Variants in ANKS1A observed in about 807,000 individuals in gnomAD.
ANKS1A encodes the protein ankyrin repeat and sterile alpha motif domain containing 1A.
In ANKS1A, 55 loss-of-function variants were observed where a neutral mutation model predicts 120.3. The observed-to-expected ratio is 0.46, with a 90% CI of 0.37 to 0.57. ANKS1A has a LOEUF of 0.57. Among genes scored for constraint, ANKS1A ranks in the 20% least tolerant of loss-of-function variants. ANKS1A has a pLI of 0.00. For missense variants in ANKS1A, 1,123 were observed against 1,480.3 expected (o/e 0.76, Z 3.96); for synonymous variants, 590 against 604.7 (o/e 0.98, Z 0.36).
rs771119138 is a variant in ANKS1A, at chr6:35,086,916, C to T, written c.3304-36C>T. The T allele has an allele frequency of 1.2e-6, 2 of 1,601,918 alleles. No homozygotes were observed. Among genetic ancestry groups the T allele is most frequent in the Admixed American group, 3.3e-5 (2 of 60,010 alleles). ...TGCTGCCTCCAGCCCTGGCACAGAG[C>T]TCCCTCTGACTCTTGACTGCTTCCT... On this transcript the variant is annotated intron_variant, in intron 22 of 23. Coordinates refer to ENST00000360359, the MANE Select transcript of ANKS1A (RefSeq NM_015245.3). This position sits in a 1 kb window ranked among gnomAD's most constrained non-coding sequence, Gnocchi z 5.1.
At chr6:35,001,654 G>T (rs1211648815) in intron 10 of ANKS1A, among the ~76,000 whole-genome samples, 2 of 152,250 alleles carry the variant, frequency 1.3e-5, no homozygotes, top group African/African-American at 4.8e-5. Flanking sequence ...AAAGGATGCA[G>T]TGAGCTTAAG....
downstream of ANKS1A, among the ~76,000 whole-genome samples, chr6:35,093,183 T>C (rs1032135597): frequency 2.0e-5 from 3 of 152,140 alleles, no homozygotes; most frequent in African/African-American, 7.2e-5. Context: ...TTTTCAGGAT[T>C]CGGCTGTTAG....
chr6:34,978,272 A>G (rs1561885939), intron 3 of ANKS1A, among the ~76,000 whole-genome samples: 1 of 152,140 alleles, frequency 6.6e-6, no homozygotes, highest in Non-Finnish European at 1.5e-5. Context: ...GGGTCTTAAG[A>G]TGAGTAGGAA....
intron 1 of ANKS1A, among the ~76,000 whole-genome samples, chr6:34,964,454 A>G (rs1770798181): frequency 6.6e-6 from 1 of 152,054 alleles, no homozygotes; most frequent in Non-Finnish European, 1.5e-5. Context: ...GTCACCATCC[A>G]TTTGCAGCGG....
At chr6:35,076,912 G>T (rs1581744308) in intron 13 of ANKS1A, among the ~76,000 whole-genome samples, 1 of 152,138 alleles carries the variant, frequency 6.6e-6, no homozygotes, top group South Asian at 2.1e-4. Flanking sequence ...TTACAGGGGT[G>T]AGCCACCGCG....
At position 35,085,711 on chromosome 6, in the gene ANKS1A, C is replaced by A. The variant is rs1229067181; in HGVS notation, c.3133-55C>A. On this transcript the variant is annotated intron_variant, in intron 21 of 23. Coordinates refer to ENST00000360359, the MANE Select transcript of ANKS1A (RefSeq NM_015245.3). The surrounding 1 kb of genome is among the most constrained non-coding windows in gnomAD (Gnocchi z 4.7). ...TGGTCCCTGCGAGGAAGGGCATATC[C>A]AGTGTGAAGCGGCTCCTGAACCAGG... 28 of 1,521,682 alleles carry A rather than the reference C, an allele frequency of 1.8e-5. No homozygotes were observed. The highest frequency in any genetic ancestry group is 4.3e-5 in the Admixed American group (2 of 46,936). The allele number at this position is 1,521,682 out of a possible 1,614,324, so 94.3% of individuals were successfully genotyped here.
intron 3 of ANKS1A, among the ~76,000 whole-genome samples, chr6:34,977,913 A>G (rs1479796756): frequency 1.3e-5 from 2 of 152,102 alleles, no homozygotes; most frequent in Non-Finnish European, 2.9e-5. Context: ...AGGAGGTGAT[A>G]GTCCTGAAAT....
intron 10 of ANKS1A, among the ~76,000 whole-genome samples, chr6:35,006,880 C>T (rs1297597638): frequency 6.6e-6 from 1 of 152,120 alleles, no homozygotes. Context: ...CACAGTGGCT[C>T]ACACCTGTAA....
At chr6:34,930,586 G>C (rs1333451219) in intron 1 of ANKS1A, among the ~76,000 whole-genome samples, 1 of 152,168 alleles carries the variant, frequency 6.6e-6, no homozygotes, top group African/African-American at 2.4e-5. Flanking sequence ...ATGTCCTCTG[G>C]TGGGCTCTGG....
intron 23 of ANKS1A, 131 bp downstream of exon 23, chr6:35,087,180 C>T (rs1002399884): frequency 1.4e-5 from 12 of 873,816 alleles, no homozygotes; most frequent in Non-Finnish European, 2.2e-5. Flanking sequence ...CCCACCTGCA[C>T]TGGGACCTGC....
chr6:34,921,788 C>G (rs1012305226), intron 1 of ANKS1A, among the ~76,000 whole-genome samples: 1 of 152,190 alleles, frequency 6.6e-6, no homozygotes, highest in African/African-American at 2.4e-5. Flanking sequence ...GCCTCGAACT[C>G]CTGGGCTTAA....
At chr6:34,910,717 C>G (rs1012355645) in intron 1 of ANKS1A, among the ~76,000 whole-genome samples, 1 of 151,746 alleles carries the variant, frequency 6.6e-6, no homozygotes, top group Admixed American at 6.6e-5. Context: ...AAAAAATTAC[C>G]CAGGCGTGGT....
Position 35,086,194 on chromosome 6 carries a change from G to A in ANKS1A, c.3303+258G>A. On this transcript the variant is annotated intron_variant, in intron 22 of 23. Transcript: ENST00000360359. The surrounding 1 kb of genome is among the most constrained non-coding windows in gnomAD (Gnocchi z 5.1). ...CCAAGGGCAAGGCCGTCAAGGGGCT[G>A]CAGAGAGCGGCCTGCAGGCAGCCCC... 3 of 1,308,766 alleles carry A rather than the reference G, an allele frequency of 2.3e-6. No individual in the cohort carries two copies. Among genetic ancestry groups the A allele is most frequent in the South Asian group, 2.5e-5 (2 of 78,632 alleles). 81.1% of individuals were successfully genotyped at this position (1,308,766 alleles called of 1,614,324 possible).
At chr6:34,906,946 C>T (rs993527970) in intron 1 of ANKS1A, among the ~76,000 whole-genome samples, 2 of 152,072 alleles carry the variant, frequency 1.3e-5, no homozygotes, top group Admixed American at 6.6e-5. Flanking sequence ...CTGCCTTTAC[C>T]GAGTAATGAA....
chr6:34,892,553 G>C (rs1766874667), intron 1 of ANKS1A, among the ~76,000 whole-genome samples: 2 of 152,204 alleles, frequency 1.3e-5, no homozygotes, highest in Admixed American at 1.3e-4. Flanking sequence ...GACCACACAT[G>C]TGTTTGTGTA....
intron 1 of ANKS1A, among the ~76,000 whole-genome samples, chr6:34,904,083 T>G (rs1767511023): frequency 6.6e-6 from 1 of 152,170 alleles, no homozygotes; most frequent in Non-Finnish European, 1.5e-5. Flanking sequence ...GGGGGATTGA[T>G]TCTAGGACCC....
intron 10 of ANKS1A, among the ~76,000 whole-genome samples, chr6:34,997,358 G>C (rs2127541169): frequency 6.6e-6 from 1 of 152,038 alleles, no homozygotes; most frequent in East Asian, 1.9e-4. Context: ...CACCATGCCT[G>C]GCTAATTATT....
At chr6:35,094,909 G>A (rs1166025644), downstream of ANKS1A, among the ~76,000 whole-genome samples, 1 of 152,188 alleles carries the variant, frequency 6.6e-6, no homozygotes, top group Non-Finnish European at 1.5e-5. Flanking sequence ...GGAAGGCGAA[G>A]TGGGAGAATT....
chr6:35,064,790 C>T (rs1013202858), intron 13 of ANKS1A, among the ~76,000 whole-genome samples: 1 of 152,142 alleles, frequency 6.6e-6, no homozygotes, highest in African/African-American at 2.4e-5. Flanking sequence ...CTCTCCCCAG[C>T]CCCCACCTCC....
Sources: allele counts gnomAD v4.1 joint callset (sites outside exome capture counted in the v4.1 genomes callset), GRCh38; gene constraint gnomAD v4.1.1; non-coding constraint Gnocchi (gnomAD v3.1); transcripts MANE v1.5; gene names NCBI Gene and HGNC (gene_info 2026-07-23, HGNC 2026-07-21).